MYO3A: variants seen among roughly 807,000 people sequenced by gnomAD.
MYO3A encodes myosin-IIIa.
A neutral mutation model predicts 192.7 loss-of-function variants in MYO3A; 180 were observed. That is an observed-to-expected ratio of 0.93 (90% CI 0.83 to 1.06). The LOEUF (loss-of-function observed/expected upper bound fraction) is 1.06. MYO3A is among the 50% of genes least tolerant of loss of function. MYO3A has a pLI of 0.00. For synonymous variants in MYO3A, 628 were observed against 645.3 expected, an observed-to-expected ratio of 0.97 and a Z score of 0.41; for missense variants, 1,896 against 1,905.0, an observed-to-expected ratio of 1.00 and a Z score of 0.09.
intron 7 of MYO3A, among the ~76,000 whole-genome samples, chr10:26,018,237 T>C (rs1189574600): frequency 1.3e-5 from 2 of 151,986 alleles, no homozygotes; most frequent in African/African-American, 4.8e-5. Flanking sequence ...ATAATAAACA[T>C]GAAAAAAGGT....
At chr10:26,187,617 A>G (rs1436527998) in intron 31 of MYO3A, among the ~76,000 whole-genome samples, 1 of 148,388 alleles carries the variant, frequency 6.7e-6, no homozygotes, top group African/African-American at 2.5e-5. Context: ...CATTAGGTAT[A>G]TCTCCTAATG....
At position 26,018,345 on chromosome 10, in the gene MYO3A, G is replaced by T. The variant is rs187928374; in HGVS notation, c.585+1449G>T. 2.8e-3 allele frequency among the ~76,000 whole-genome samples: 428 copies of T among 151,886 alleles called. 2 individuals carry two copies. Among genetic ancestry groups the T allele is most frequent in the African/African-American group, 1.0e-2 (413 of 41,432 alleles). Reference sequence around the variant, plus strand: ...GTAATAAGTATTTTCTAAACTTGAAGAACATATTTTAAATAATCAGCTTTC... The same window carrying T: ...GTAATAAGTATTTTCTAAACTTGAATAACATATTTTAAATAATCAGCTTTC... On this transcript the variant is annotated intron_variant, in intron 7 of 34. Coordinates refer to ENST00000642920, the MANE Select transcript of MYO3A (RefSeq NM_017433.5).
intron 32 of MYO3A, among the ~76,000 whole-genome samples, chr10:26,195,147 T>C (rs950250725): frequency 6.6e-6 from 1 of 152,184 alleles, no homozygotes; most frequent in Admixed American, 6.5e-5. Context: ...TTTCTGTAGA[T>C]TTGCCTATTC....
chr10:26,103,485 G>A (rs1457554247), intron 17 of MYO3A, among the ~76,000 whole-genome samples: 1 of 152,184 alleles, frequency 6.6e-6, no homozygotes, highest in Non-Finnish European at 1.5e-5. Context: ...GCTGTAGACT[G>A]GAGCTGTTCC....
intron 23 of MYO3A, among the ~76,000 whole-genome samples, chr10:26,149,070 G>A (rs1188197084): frequency 1.3e-5 from 2 of 151,856 alleles, no homozygotes; most frequent in South Asian, 2.1e-4. Context: ...TCCTGATCTT[G>A]GGGAAAGAGT....
chr10:26,197,075 G>A (rs147385872), intron 32 of MYO3A, among the ~76,000 whole-genome samples: 23 of 152,250 alleles, frequency 1.5e-4, no homozygotes, highest in African/African-American at 2.9e-4. Flanking sequence ...GTCCCGCTGC[G>A]CACCACACAG....
chr10:26,021,720 G>T, intron 8 of MYO3A, 72 bp downstream of exon 8: 1 of 1,572,476 alleles, frequency 6.4e-7, no homozygotes, highest in Non-Finnish European at 8.8e-7. Flanking sequence ...TGTTCATCAT[G>T]CTCTTCATGG....
At chr10:25,976,323 G>A (rs973871866) in intron 4 of MYO3A, among the ~76,000 whole-genome samples, 7 of 152,068 alleles carry the variant, frequency 4.6e-5, no homozygotes, top group African/African-American at 1.4e-4. Context: ...AAGTGAAAAC[G>A]GGAATGAATA....
chr10:25,983,705 T>G (rs182957760), intron 4 of MYO3A, among the ~76,000 whole-genome samples: 129 of 152,316 alleles, frequency 8.5e-4, no homozygotes, highest in African/African-American at 3.1e-3. Context: ...TGAGGAAAAC[T>G]TCCCCAGCCT....
intron 4 of MYO3A, among the ~76,000 whole-genome samples, chr10:25,975,964 T>C (rs980737733): frequency 1.3e-5 from 2 of 152,218 alleles, no homozygotes; most frequent in Non-Finnish European, 2.9e-5. Context: ...AGCTAGAACT[T>C]TGGACATTGT....
chr10:26,038,972 C>T (rs535226575), intron 10 of MYO3A, among the ~76,000 whole-genome samples: 15 of 152,104 alleles, frequency 9.9e-5, no homozygotes, highest in African/African-American at 1.4e-4. Context: ...ATATGTTGAA[C>T]CATCTTTACA....
intron 22 of MYO3A, among the ~76,000 whole-genome samples, chr10:26,146,334 TTAAAGTTATC>T (rs748382914): frequency 3.9e-5 from 6 of 152,188 alleles, no homozygotes; most frequent in South Asian, 4.1e-4. Flanking sequence ...TACACAGAAC[TTAAAGTTATC>T]TAAAGTTATC....
chr10:26,114,520 C>G (rs541303785), intron 17 of MYO3A, among the ~76,000 whole-genome samples: 3 of 152,218 alleles, frequency 2.0e-5, no homozygotes, highest in East Asian at 3.9e-4. Flanking sequence ...TTTTTGTTCT[C>G]ATAAACTCTA....
chr10:25,989,901 G>C (rs1311537374), intron 4 of MYO3A, among the ~76,000 whole-genome samples: 1 of 152,150 alleles, frequency 6.6e-6, no homozygotes, highest in Non-Finnish European at 1.5e-5. Flanking sequence ...ACAGAAAGGA[G>C]CCGTGGGATG....
intron 23 of MYO3A, 77 bp downstream of exon 23, chr10:26,147,636 T>A: frequency 6.3e-7 from 1 of 1,594,560 alleles, no homozygotes. Flanking sequence ...TTCACTAATT[T>A]CATCCTTAAT....
At chr10:26,201,718 A>C (rs535162845) in intron 33 of MYO3A, among the ~76,000 whole-genome samples, 1 of 151,814 alleles carries the variant, frequency 6.6e-6, no homozygotes, top group Admixed American at 6.6e-5. Context: ...CACCTATTTT[A>C]TATGCATAGA....
Position 26,201,316 on chromosome 10 carries a change from C to T in MYO3A, c.4586+11C>T. On this transcript the variant is annotated intron_variant, in intron 33 of 34. Coordinates refer to ENST00000642920, the MANE Select transcript of MYO3A (RefSeq NM_017433.5). ...ACCAAGGAAAGACAGGTAATTATTACTTCTGGATTTCAATCAGTCATCTTA... is the reference window on the plus strand; with the variant it reads ...ACCAAGGAAAGACAGGTAATTATTATTTCTGGATTTCAATCAGTCATCTTA... 1 of 1,560,654 alleles carries T rather than the reference C, an allele frequency of 6.4e-7. No individual in the cohort carries two copies. The highest frequency in any genetic ancestry group is 8.8e-7 in the Non-Finnish European group (1 of 1,138,880).
At position 26,157,136 on chromosome 10, in the gene MYO3A, T is replaced by C. The variant is rs555431392; in HGVS notation, c.2794-174T>C. Among the ~76,000 whole-genome samples, 6 of 152,376 alleles carry C rather than the reference T, an allele frequency of 3.9e-5. No individual in the cohort carries two copies. In the South Asian group the frequency reaches 1.2e-3, roughly 32 times the overall value. On this transcript the variant is annotated intron_variant, in intron 25 of 34. Transcript: ENST00000642920. Reference sequence around the variant, plus strand: ...TAAGTAAATCTGTATTTTTTAGAACTATACTATAAATAAAATGTTCATTAA... The same window carrying C: ...TAAGTAAATCTGTATTTTTTAGAACCATACTATAAATAAAATGTTCATTAA...
At chr10:26,121,860 A>G (rs1298038557) in intron 18 of MYO3A, among the ~76,000 whole-genome samples, 1 of 152,176 alleles carries the variant, frequency 6.6e-6, no homozygotes, top group African/African-American at 2.4e-5. Context: ...TTAGGGGGCT[A>G]AGTGCCAGAT....
Sources: allele counts gnomAD v4.1 joint callset (sites outside exome capture counted in the v4.1 genomes callset), GRCh38; gene constraint gnomAD v4.1.1; transcripts MANE v1.5; gene names NCBI Gene and HGNC (gene_info 2026-07-23, HGNC 2026-07-21).